The following WDPCP variants were observed in gnomAD, a reference collection of about 807,000 sequenced individuals.
WDPCP encodes WD repeat-containing and planar cell polarity effector protein fritz homolog.
WDPCP carries 71 observed loss-of-function variants against 93.1 expected under a neutral mutation model. That is an observed-to-expected ratio of 0.76 (90% CI 0.63 to 0.93). The LOEUF is 0.93. WDPCP is among the 40% of genes least tolerant of loss of function. The pLI is 0.00. For synonymous variants in WDPCP, 315 were observed against 315.0 expected, an observed-to-expected ratio of 1.00 and a Z score of 0.00; for missense variants, 844 against 887.4, an observed-to-expected ratio of 0.95 and a Z score of 0.62.
intron 13 of WDPCP, among the ~76,000 whole-genome samples, chr2:63,279,132 A>G (rs1480603459): frequency 6.6e-6 from 1 of 152,156 alleles, no homozygotes; most frequent in East Asian, 1.9e-4. Flanking sequence ...AAATCATTCT[A>G]TGAAACCAGT....
intron 9 of WDPCP, among the ~76,000 whole-genome samples, chr2:63,427,060 C>T (rs898176674): frequency 1.3e-5 from 2 of 152,220 alleles, no homozygotes; most frequent in East Asian, 3.8e-4. Context: ...AATATATATG[C>T]ATCCAACACT....
At chr2:63,523,964 C>G (rs1474684234) in intron 1 of WDPCP, among the ~76,000 whole-genome samples, 1 of 152,014 alleles carries the variant, frequency 6.6e-6, no homozygotes, top group Non-Finnish European at 1.5e-5. Flanking sequence ...TTCCTACACA[C>G]CAAAAACATC....
intron 13 of WDPCP, among the ~76,000 whole-genome samples, chr2:63,281,215 C>T (rs1291078331): frequency 1.3e-5 from 2 of 152,104 alleles, no homozygotes; most frequent in Admixed American, 6.5e-5. Context: ...AAATGGCCAA[C>T]AAGCATATGG....
chr2:63,618,815 G>A (rs1052881427), intron 3 of WDPCP, among the ~76,000 whole-genome samples: 7 of 151,434 alleles, frequency 4.6e-5, no homozygotes, highest in African/African-American at 1.7e-4. Flanking sequence ...CTCAGCTCCT[G>A]AGCAGCTGGG....
At chr2:63,313,384 A>G in intron 12 of WDPCP, 73 bp from the exon 13 acceptor site, 4 of 1,434,406 alleles carry the variant, frequency 2.8e-6, no homozygotes, top group Middle Eastern at 1.7e-4. Flanking sequence ...TTTATTTAAC[A>G]TATATCTGTG....
At chr2:63,501,610 CTTTG>C (rs1236461493) in intron 1 of WDPCP, among the ~76,000 whole-genome samples, 5 of 152,160 alleles carry the variant, frequency 3.3e-5, no homozygotes, top group African/African-American at 9.6e-5. Flanking sequence ...CTGTCTGGTC[CTTTG>C]TTTGTTTCTT....
upstream of WDPCP, chr2:63,593,502 C>T (rs768484474): frequency 2.1e-6 from 1 of 466,590 alleles, no homozygotes; most frequent in Non-Finnish European, 4.5e-6. Context: ...TTGAAAGAAG[C>T]CTTCGAGGCT....
chr2:63,664,220 A>C (rs1428988099), intron 2 of WDPCP, among the ~76,000 whole-genome samples: 1 of 152,218 alleles, frequency 6.6e-6, no homozygotes, highest in Non-Finnish European at 1.5e-5. Flanking sequence ...CTTGGTTTCA[A>C]ACAATAGAAA....
At chr2:63,609,416 GA>G (rs1187982045) in intron 3 of WDPCP, among the ~76,000 whole-genome samples, 4 of 152,132 alleles carry the variant, frequency 2.6e-5, no homozygotes, top group Non-Finnish European at 5.9e-5. Flanking sequence ...AAGGGTACTA[GA>G]GGGGGACTGG....
chr2:63,284,564 G>A (rs1272834442), intron 13 of WDPCP, among the ~76,000 whole-genome samples: 1 of 152,088 alleles, frequency 6.6e-6, no homozygotes, highest in Non-Finnish European at 1.5e-5. Context: ...GCCATAATTT[G>A]GCAAACTAAA....
intron 13 of WDPCP, among the ~76,000 whole-genome samples, chr2:63,285,433 CAAAA>C (rs749712426): frequency 4.3e-4 from 22 of 50,872 alleles, no homozygotes; most frequent in Non-Finnish European, 7.2e-4. Context: ...GACTCCATCT[CAAAA>C]AAAAAAAAAA....
intron 10 of WDPCP, 62 bp downstream of exon 10, chr2:63,403,986 C>A: frequency 1.2e-6 from 2 of 1,601,896 alleles, no homozygotes; most frequent in Non-Finnish European, 1.7e-6. Flanking sequence ...AGTTTTATTG[C>A]CTTAATTATG....
At chr2:63,356,904 C>T (rs925890229) in intron 12 of WDPCP, among the ~76,000 whole-genome samples, 9 of 152,110 alleles carry the variant, frequency 5.9e-5, no homozygotes, top group African/African-American at 1.4e-4. Context: ...ACTAAAACAG[C>T]GTGCTACTGG....
intron 12 of WDPCP, among the ~76,000 whole-genome samples, chr2:63,352,338 T>G (rs777769181): frequency 9.9e-5 from 15 of 152,150 alleles, no homozygotes; most frequent in Non-Finnish European, 1.9e-4. Flanking sequence ...AGTGTTAAGT[T>G]TCAATACTTT....
chr2:63,199,148 C>T (rs569935927), intron 14 of WDPCP, among the ~76,000 whole-genome samples: 8 of 152,016 alleles, frequency 5.3e-5, no homozygotes, highest in Non-Finnish European at 8.8e-5. Context: ...TAACAATGTG[C>T]GGTCATATGA....
intron 2 of WDPCP, among the ~76,000 whole-genome samples, chr2:63,661,888 G>C (rs1710230747): frequency 6.6e-6 from 1 of 152,150 alleles, no homozygotes; most frequent in African/African-American, 2.4e-5. Context: ...GGAGCTTCCA[G>C]GTGGCAAAAA....
In WDPCP at chr2:63,338,569, AATATATATATATATATATAT is replaced by A. The variant is rs1159039677; in HGVS notation, c.1749-25278_1749-25259del. 6.4e-3 allele frequency among the ~76,000 whole-genome samples: 93 copies of A among 14,492 alleles called. 1 individual carries two copies. Among genetic ancestry groups the A allele is most frequent in the Non-Finnish European group, 7.3e-3 (77 of 10,592 alleles). The allele number at this position is 14,492 out of a possible 152,430, so 9.5% of individuals were successfully genotyped here. A position where few individuals can be genotyped will look rare whatever the true frequency, so the allele number is the denominator to read the frequency against. On this transcript the variant is annotated intron_variant, in intron 12 of 17. Transcript: ENST00000272321. ...CTCCATCTAAAAAAAAAAAAAAAAA[AATATATATATATATATATAT>A]ATATATATATATATATATATATATA... is the stretch of plus-strand genomic sequence containing the variant.
At chr2:63,621,460 A>C (rs1709736574) in intron 3 of WDPCP, among the ~76,000 whole-genome samples, 2 of 152,034 alleles carry the variant, frequency 1.3e-5, no homozygotes, top group Non-Finnish European at 2.9e-5. Flanking sequence ...TAAAATGTGA[A>C]GACAAGATTA....
intron 1 of WDPCP, among the ~76,000 whole-genome samples, chr2:63,552,333 TA>T (rs1705740424): frequency 6.6e-6 from 1 of 151,894 alleles, no homozygotes; most frequent in Non-Finnish European, 1.5e-5. Flanking sequence ...CTCTAATGCA[TA>T]AAAATTATTT....
Sources: allele counts gnomAD v4.1 joint callset (sites outside exome capture counted in the v4.1 genomes callset), GRCh38; gene constraint gnomAD v4.1.1; transcripts MANE v1.5; gene names NCBI Gene and HGNC (gene_info 2026-07-23, HGNC 2026-07-21).